Variants in HCN1 observed in about 807,000 individuals in gnomAD.
The protein encoded by HCN1 is hyperpolarization activated cyclic nucleotide gated potassium channel 1.
HCN1 carries 13 observed loss-of-function variants against 78.9 expected under a neutral mutation model. The observed-to-expected ratio is 0.16, with a 90% CI of 0.11 to 0.26. The LOEUF (loss-of-function observed/expected upper bound fraction) is 0.26. Ranked by LOEUF, HCN1 falls within the 10% of genes least tolerant of loss-of-function variation. The probability of loss-of-function intolerance (pLI) is 1.00; values close to 1 mark genes in which losing one functional copy is unlikely to be tolerated. For missense variants in HCN1, 810 were observed against 1,154.3 expected, an observed-to-expected ratio of 0.70 and a Z score of 4.32; for synonymous variants, 552 against 455.5, an observed-to-expected ratio of 1.21 and a Z score of -2.70.
In HCN1 at chr5:45,258,922, T is replaced by TCTG. The variant is rs1579760000; in HGVS notation, c.*2998_*2999insCAG. ...ATTATTTACCATTATTACAGGAAAA[T>TCTG]TATTTCTCATCTGTATATCCAATAA... is the stretch of plus-strand genomic sequence containing the variant. On this transcript the variant is annotated 3_prime_UTR_variant, in exon 8 of 8. Coordinates refer to ENST00000303230, the MANE Select transcript of HCN1 (RefSeq NM_021072.4). 1.3e-5 allele frequency: 2 copies of TCTG among 151,942 alleles called. No homozygotes were observed. The highest frequency in any genetic ancestry group is 3.9e-4 in the East Asian group (2 of 5,194). 9.4% of individuals were successfully genotyped at this position (151,942 alleles called of 1,614,324 possible). A position where few individuals can be genotyped will look rare whatever the true frequency, so the allele number is the denominator to read the frequency against.
At chr5:45,397,161 A>G (rs1209706308) in intron 3 of HCN1, among the ~76,000 whole-genome samples, 1 of 152,156 alleles carries the variant, frequency 6.6e-6, no homozygotes, top group Non-Finnish European at 1.5e-5. Flanking sequence ...AAAAATCCAT[A>G]TTGATATAGC....
At chr5:45,484,602 T>C (rs1160973494) in intron 2 of HCN1, among the ~76,000 whole-genome samples, 2 of 152,122 alleles carry the variant, frequency 1.3e-5, no homozygotes, top group Non-Finnish European at 2.9e-5. Context: ...GTGAGTATAA[T>C]AAACTTGATG....
intron 2 of HCN1, among the ~76,000 whole-genome samples, chr5:45,491,308 C>T (rs1741880211): frequency 6.6e-6 from 1 of 152,086 alleles, no homozygotes; most frequent in Non-Finnish European, 1.5e-5. Flanking sequence ...AAATCAGCAT[C>T]AAATTTTCCC....
chr5:45,372,708 T>G (rs1407631013), intron 4 of HCN1, among the ~76,000 whole-genome samples: 6 of 143,178 alleles, frequency 4.2e-5, no homozygotes, highest in Non-Finnish European at 9.1e-5. Context: ...TATACGTATT[T>G]ATATATAAAA....
chr5:45,392,491 G>A (rs1739592288), intron 4 of HCN1, among the ~76,000 whole-genome samples: 1 of 152,000 alleles, frequency 6.6e-6, no homozygotes, highest in African/African-American at 2.4e-5. Flanking sequence ...TTGTATAGCT[G>A]AGAGAGTACT....
rs184406122 is a variant in HCN1, at chr5:45,626,752, G to T, written c.849+18433C>A. ...AACAATACAAGCTGAGTTTGAAAGGGTCAGCAGGGAATCATTCAGGGCCCT... is the reference window on the plus strand; with the variant it reads ...AACAATACAAGCTGAGTTTGAAAGGTTCAGCAGGGAATCATTCAGGGCCCT... On this transcript the variant is annotated intron_variant, in intron 2 of 7. Transcript: ENST00000303230. 3.1e-4 allele frequency among the ~76,000 whole-genome samples: 47 copies of T among 152,094 alleles called. 1 individual carries two copies. The East Asian group carries it at 7.0e-3, about 23-fold the overall frequency.
At chr5:45,371,933 T>A (rs1302487925) in intron 4 of HCN1, among the ~76,000 whole-genome samples, 19 of 102,782 alleles carry the variant, frequency 1.8e-4, no homozygotes, top group East Asian at 1.0e-3. Flanking sequence ...TACATTATAT[T>A]ATATATAATA....
At chr5:45,311,155 C>A (rs1226026487) in intron 5 of HCN1, among the ~76,000 whole-genome samples, 1 of 152,176 alleles carries the variant, frequency 6.6e-6, no homozygotes, top group South Asian at 2.1e-4. Context: ...TGCACATGCA[C>A]CCTTGAACTT....
chr5:45,264,137 A>G (rs1744807190), intron 7 of HCN1, among the ~76,000 whole-genome samples: 1 of 152,208 alleles, frequency 6.6e-6, no homozygotes, highest in Admixed American at 6.5e-5. Context: ...GACTGACTTT[A>G]TGATCTTTCC....
chr5:45,462,725 T>C (rs1741186965), intron 2 of HCN1, among the ~76,000 whole-genome samples: 1 of 152,052 alleles, frequency 6.6e-6, no homozygotes, highest in African/African-American at 2.4e-5. Flanking sequence ...GTTAGATTAT[T>C]TCAGAAAACA....
intron 4 of HCN1, among the ~76,000 whole-genome samples, chr5:45,356,281 T>C (rs1747005711): frequency 6.6e-6 from 1 of 151,936 alleles, no homozygotes; most frequent in African/African-American, 2.4e-5. Flanking sequence ...AAACATAAGA[T>C]CAAAAGTTTA....
chr5:45,262,335 C>T lies in HCN1; in HGVS notation c.2259G>A (p.Pro753=), dbSNP rs752434266. ...PPQTQPQQPS[P]QPQTPGSSTP... is the part of the protein sequence containing the mutation. Reference sequence around the variant, plus strand: ...TGGAGCTGCCAGGTGTCTGTGGCTGCGGGGACGGCTGCTGTGGCTGAGTCT... The same window carrying T: ...TGGAGCTGCCAGGTGTCTGTGGCTGTGGGGACGGCTGCTGTGGCTGAGTCT... The change falls in exon 8 of 8, where the codon CCG becomes CCA. Residue 753 remains proline (P), a synonymous_variant. Transcript: ENST00000303230. The T allele has an allele frequency of 1.1e-5, 17 of 1,613,258 alleles. No individual in the cohort carries two copies. In the Admixed American group the frequency reaches 2.5e-4, roughly 24 times the overall value.
chr5:45,676,790 T>A (rs566400488), intron 1 of HCN1, among the ~76,000 whole-genome samples: 6 of 151,734 alleles, frequency 4.0e-5, no homozygotes, highest in Non-Finnish European at 7.4e-5. Flanking sequence ...TCAAATACAA[T>A]CATAACAGAG....
chr5:45,475,839 G>A (rs529068863), intron 2 of HCN1, among the ~76,000 whole-genome samples: 29 of 152,004 alleles, frequency 1.9e-4, no homozygotes, highest in Admixed American at 2.6e-4. Context: ...ACAGAAAAAC[G>A]TTTTAATACG....
chr5:45,462,192 T>C (rs1741176170), intron 2 of HCN1, among the ~76,000 whole-genome samples, 185 bp from the exon 3 acceptor site: 2 of 152,282 alleles, frequency 1.3e-5, no homozygotes, highest in South Asian at 2.1e-4. Flanking sequence ...CACTCCACTT[T>C]ATGAATATTA....
chr5:45,497,284 C>G (rs533744682), intron 2 of HCN1, among the ~76,000 whole-genome samples: 359 of 152,158 alleles, frequency 2.4e-3, no homozygotes, highest in African/African-American at 8.2e-3. Flanking sequence ...GTTGATCTGT[C>G]TAATGTTGAC....
intron 2 of HCN1, among the ~76,000 whole-genome samples, chr5:45,540,533 T>C (rs1355239114): frequency 6.6e-6 from 1 of 152,082 alleles, no homozygotes; most frequent in African/African-American, 2.4e-5. Flanking sequence ...TTTTGCCGTG[T>C]TGCCCAGGCT....
At chr5:45,514,716 C>T (rs530153612) in intron 2 of HCN1, among the ~76,000 whole-genome samples, 76 of 152,042 alleles carry the variant, frequency 5.0e-4, no homozygotes, top group East Asian at 1.4e-3. Context: ...CAGAGGAAAC[C>T]TTTTCAATAA....
intron 2 of HCN1, among the ~76,000 whole-genome samples, chr5:45,493,993 T>C (rs573458010): frequency 7.2e-5 from 11 of 152,348 alleles, no homozygotes; most frequent in Middle Eastern, 3.4e-3. Context: ...CTTAATCCAG[T>C]CTATCATTGT....
Sources: allele counts gnomAD v4.1 joint callset (sites outside exome capture counted in the v4.1 genomes callset), GRCh38; gene constraint gnomAD v4.1.1; transcripts MANE v1.5; gene names NCBI Gene and HGNC (gene_info 2026-07-23, HGNC 2026-07-21).